FBXL7: variants seen among roughly 807,000 people sequenced by gnomAD.
FBXL7 encodes the protein F-box and leucine rich repeat protein 7, also known as F-box/LRR-repeat protein 7.
A neutral mutation model predicts 38.3 loss-of-function variants in FBXL7; 12 were observed. That is an observed-to-expected ratio of 0.31 (90% CI 0.20 to 0.51). The LOEUF (loss-of-function observed/expected upper bound fraction) is 0.51. FBXL7 is among the 20% of genes least tolerant of loss of function. The pLI, the probability that FBXL7 is intolerant of heterozygous loss-of-function variation, is 0.98. For missense variants in FBXL7, 567 were observed against 676.4 expected (o/e 0.84, Z 1.79); for synonymous variants, 297 against 300.9 (o/e 0.99, Z 0.13).
chr5:15,802,125 A>G (rs1561131998), intron 2 of FBXL7, among the ~76,000 whole-genome samples: 2 of 151,912 alleles, frequency 1.3e-5, no homozygotes, highest in Non-Finnish European at 2.9e-5. Flanking sequence ...TCTACCTCCA[A>G]AATCTATCTT....
At chr5:15,934,270 G>A (rs1185774626) in intron 3 of FBXL7, among the ~76,000 whole-genome samples, 3 of 152,196 alleles carry the variant, frequency 2.0e-5, no homozygotes, top group African/African-American at 7.2e-5. Flanking sequence ...CTCCCAAAGT[G>A]CTGGGATTGC....
At chr5:15,685,446 A>G (rs1055588371) in intron 2 of FBXL7, among the ~76,000 whole-genome samples, 8 of 152,206 alleles carry the variant, frequency 5.3e-5, no homozygotes, top group Non-Finnish European at 5.9e-5. Flanking sequence ...CCCACAGAGG[A>G]AAGAGTTTTA....
chr5:15,919,851 A>T (rs567912937), intron 2 of FBXL7, among the ~76,000 whole-genome samples: 1 of 152,204 alleles, frequency 6.6e-6, no homozygotes, highest in African/African-American at 2.4e-5. Context: ...CATTCTCACC[A>T]TAGAGCCATT....
chr5:15,574,175 A>G (rs1738883359), intron 1 of FBXL7, among the ~76,000 whole-genome samples: 1 of 152,204 alleles, frequency 6.6e-6, no homozygotes, highest in South Asian at 2.1e-4. Flanking sequence ...ATGTTTTCTA[A>G]AATTCAGAAA....
Position 15,559,855 on chromosome 5 carries a change from G to A in FBXL7, c.38-56128G>A, listed in dbSNP as rs574920690. Among the ~76,000 whole-genome samples the A allele has an allele frequency of 1.3e-3, 194 of 152,276 alleles. 1 individual carries two copies. The highest frequency in any genetic ancestry group is 3.1e-3 in the African/African-American group (128 of 41,550). ...GTAATGCAAGGCACCATTTAGCAACGCACATTAAGTTTTATGTGTTTCTTT... is the reference window on the plus strand; with the variant it reads ...GTAATGCAAGGCACCATTTAGCAACACACATTAAGTTTTATGTGTTTCTTT... On this transcript the variant is annotated intron_variant, in intron 1 of 3. Transcript: ENST00000504595.
Position 15,646,336 on chromosome 5 carries a change from G to A in FBXL7, c.127+30264G>A, listed in dbSNP as rs563209007. Among the ~76,000 whole-genome samples, 4 of 152,292 alleles carry A rather than the reference G, an allele frequency of 2.6e-5. No homozygotes were observed. In the East Asian group the frequency reaches 7.7e-4, roughly 29 times the overall value. ...GAGGAAACTGAGGCAAAGAGGTTAA[G>A]GATCTTGCTTGGGGTTCTAACCTTA... is the stretch of plus-strand genomic sequence containing the variant. On this transcript the variant is annotated intron_variant, in intron 2 of 3. Transcript: ENST00000504595.
At chr5:15,520,615 A>G (rs1394726839) in intron 1 of FBXL7, among the ~76,000 whole-genome samples, 2 of 152,206 alleles carry the variant, frequency 1.3e-5, no homozygotes, top group Non-Finnish European at 2.9e-5. Context: ...TCCAAAATCG[A>G]AAAAGATAGC....
chr5:15,700,119 A>G (rs749906252), intron 2 of FBXL7, among the ~76,000 whole-genome samples: 3 of 152,214 alleles, frequency 2.0e-5, no homozygotes, highest in Non-Finnish European at 2.9e-5. Flanking sequence ...TTTAATTATC[A>G]GAAAGATGAT....
At chr5:15,934,012 T>C (rs377171504) in intron 3 of FBXL7, among the ~76,000 whole-genome samples, 1 of 151,210 alleles carries the variant, frequency 6.6e-6, no homozygotes, top group Non-Finnish European at 1.5e-5. Flanking sequence ...TTGTCTTTAT[T>C]TATCTATTTT....
chr5:15,707,672 T>C (rs1743732753), intron 2 of FBXL7, among the ~76,000 whole-genome samples: 1 of 152,172 alleles, frequency 6.6e-6, no homozygotes, highest in Non-Finnish European at 1.5e-5. Context: ...AAGCACCTAC[T>C]CTGAATGTCC....
At chr5:15,902,096 C>A (rs914587594) in intron 2 of FBXL7, among the ~76,000 whole-genome samples, 1 of 152,186 alleles carries the variant, frequency 6.6e-6, no homozygotes, top group East Asian at 1.9e-4. Flanking sequence ...AGCTGCCTCC[C>A]ATCTTGTTGC....
At position 15,928,346 on chromosome 5, in the gene FBXL7, G is replaced by T. The variant is rs765211785; in HGVS notation, c.584G>T (p.Gly195Val). ...CLMLETVTVS[G>V]CRRLTDRGLY... ...ATGCTGGAAACCGTAACTGTCAGTG[G>T]CTGCAGGCGGCTCACAGACCGAGGG... Residue 195 changes from glycine (G) to valine (V), a missense_variant, in exon 3 of 4, where the codon GGC becomes GTC. By Grantham distance (109) the Gly-to-Val change is moderately radical. Transcript: ENST00000504595. The surrounding 1 kb of genome is among the most constrained non-coding windows in gnomAD (Gnocchi z 4.0). 1 of 1,613,628 alleles carries T rather than the reference G, an allele frequency of 6.2e-7. No individual in the cohort carries two copies. Among genetic ancestry groups the T allele is most frequent in the Non-Finnish European group, 8.5e-7 (1 of 1,179,864 alleles).
At chr5:15,635,109 C>T (rs1019838274) in intron 2 of FBXL7, among the ~76,000 whole-genome samples, 2 of 152,038 alleles carry the variant, frequency 1.3e-5, no homozygotes, top group African/African-American at 4.8e-5. Flanking sequence ...TATAATAGCT[C>T]ACAAGTTTTT....
At chr5:15,870,410 G>A (rs1739903486) in intron 2 of FBXL7, among the ~76,000 whole-genome samples, 1 of 152,174 alleles carries the variant, frequency 6.6e-6, no homozygotes, top group African/African-American at 2.4e-5. Flanking sequence ...AGCATTTGAA[G>A]AGGGAGAATG....
chr5:15,883,072 T>TA (rs1740526768), intron 2 of FBXL7, among the ~76,000 whole-genome samples: 1 of 152,190 alleles, frequency 6.6e-6, no homozygotes, highest in Non-Finnish European at 1.5e-5. Context: ...TCCCAACTGT[T>TA]AAAAATTCTT....
chr5:15,614,031 C>T (rs1247034328), intron 1 of FBXL7, among the ~76,000 whole-genome samples: 3 of 152,108 alleles, frequency 2.0e-5, no homozygotes, highest in Non-Finnish European at 2.9e-5. Flanking sequence ...CTAACCACCT[C>T]CCAAGGCCCC....
At chr5:15,504,509 T>C (rs981270469) in intron 1 of FBXL7, among the ~76,000 whole-genome samples, 6 of 152,200 alleles carry the variant, frequency 3.9e-5, no homozygotes, top group Non-Finnish European at 7.3e-5. Context: ...CGATAATGAG[T>C]GTTTCCAAAG....
intron 1 of FBXL7, among the ~76,000 whole-genome samples, chr5:15,544,528 C>T (rs1475564580): frequency 6.6e-6 from 1 of 152,146 alleles, no homozygotes; most frequent in Non-Finnish European, 1.5e-5. Flanking sequence ...GTAATACAGG[C>T]TCACCCATTT....
chr5:15,721,556 T>G (rs1207986547), intron 2 of FBXL7, among the ~76,000 whole-genome samples: 1 of 151,964 alleles, frequency 6.6e-6, no homozygotes, highest in Non-Finnish European at 1.5e-5. Context: ...CTCCTCTCTC[T>G]GCATCATCCT....
Sources: gnomAD v4.1 joint callset for allele counts (sites outside exome capture counted in the v4.1 genomes callset) on GRCh38, gnomAD v4.1.1 for gene constraint, Gnocchi (gnomAD v3.1) non-coding constraint, MANE v1.5 for transcripts, NCBI Gene and HGNC (gene_info 2026-07-23, HGNC 2026-07-21) for gene names.